Variants in KAZN observed in about 807,000 individuals in gnomAD.
The protein encoded by KAZN is kazrin.
In KAZN, 40 loss-of-function variants were observed where a neutral mutation model predicts 87.4. That is an observed-to-expected ratio of 0.46 (90% CI 0.36 to 0.60). KAZN has a LOEUF of 0.60. Ranked by LOEUF, KAZN falls within the 20% of genes least tolerant of loss-of-function variation. The pLI, the probability that KAZN is intolerant of heterozygous loss-of-function variation, is 0.00. For synonymous variants in KAZN, 466 were observed against 458.3 expected (o/e 1.02, Z -0.22); for missense variants, 898 against 1,073.9 (o/e 0.84, Z 2.29).
rs114204291 is a variant in KAZN, at chr1:14,765,542, G to C, written c.226+166319G>C. 2.6e-3 allele frequency among the ~76,000 whole-genome samples: 397 copies of C among 152,296 alleles called. 1 individual carries two copies. Among genetic ancestry groups the C allele is most frequent in the African/African-American group, 8.7e-3 (361 of 41,550 alleles). ...TGAGAAGCAGCTAAGGTGGAATTTG[G>C]TGTGCAGATGTATTGGGAGAAATGC... On this transcript the variant is annotated intron_variant, in intron 1 of 14. Coordinates refer to ENST00000376030, the MANE Select transcript of KAZN (RefSeq NM_201628.3).
At chr1:14,383,855 G>A (rs924067840) in intron 2 of KAZN, among the ~76,000 whole-genome samples, 4 of 152,038 alleles carry the variant, frequency 2.6e-5, no homozygotes, top group Admixed American at 2.6e-4. Context: ...TGTGAAGAAA[G>A]TCATTGGTAG....
intron 2 of KAZN, among the ~76,000 whole-genome samples, chr1:14,378,181 A>G (rs1661067791): frequency 6.6e-6 from 1 of 152,246 alleles, no homozygotes; most frequent in Non-Finnish European, 1.5e-5. Context: ...TAAGACGTTT[A>G]TGGAATTTCA....
intron 2 of KAZN, among the ~76,000 whole-genome samples, chr1:14,527,436 C>T (rs1215199849): frequency 6.6e-6 from 1 of 151,638 alleles, no homozygotes; most frequent in African/African-American, 2.4e-5. Flanking sequence ...GTAATCCCGA[C>T]TACTTGGGAG....
intron 1 of KAZN, among the ~76,000 whole-genome samples, chr1:14,848,292 G>A (rs11586321): frequency 0.025 from 3,837 of 152,232 alleles, 144 homozygotes; most frequent in African/African-American, 0.087. Context: ...GACCCAGGAA[G>A]GGGAAGCTGC....
chr1:14,718,424 G>A lies in KAZN; in HGVS notation c.226+119201G>A, dbSNP rs55695323. 7.0e-3 allele frequency among the ~76,000 whole-genome samples: 1,066 copies of A among 152,292 alleles called. 5 individuals are homozygous for A. The highest frequency in any genetic ancestry group is 0.012 in the Non-Finnish European group (827 of 68,022). ...CAACCTGGCATGTGGACGTCCTTGC[G>A]GGGACTTTTCCATTTTGGAGGGTTT... On this transcript the variant is annotated intron_variant, in intron 1 of 14. Transcript: ENST00000376030.
At chr1:14,755,629 T>C (rs6678566) in intron 1 of KAZN, among the ~76,000 whole-genome samples, 68,209 of 151,976 alleles carry the variant, frequency 0.45, 16,000 homozygotes, top group Middle Eastern at 0.53. Flanking sequence ...GCATAATCGC[T>C]GACTGTTTCC....
At chr1:14,785,514 C>T (rs1425639113) in intron 1 of KAZN, among the ~76,000 whole-genome samples, 12 of 152,250 alleles carry the variant, frequency 7.9e-5, no homozygotes, top group African/African-American at 1.7e-4. Flanking sequence ...ACACCTCCTC[C>T]GCGGGAGCTT....
intron 1 of KAZN, among the ~76,000 whole-genome samples, chr1:14,744,642 A>AGGAAGATCACTTGAGCCC (rs1644211630): frequency 6.6e-6 from 1 of 152,186 alleles, no homozygotes; most frequent in Non-Finnish European, 1.5e-5. Flanking sequence ...AGGCTGAGGC[A>AGGAAGATCACTTGAGCCC]GGAAGATCAC....
intron 1 of KAZN, among the ~76,000 whole-genome samples, chr1:14,716,454 A>G (rs1642799998): frequency 6.6e-6 from 1 of 151,894 alleles, no homozygotes; most frequent in Non-Finnish European, 1.5e-5. Context: ...CTTTTTTCAC[A>G]TCTGTCTGTT....
chr1:14,906,771 TG>T (rs765697481), intron 1 of KAZN, among the ~76,000 whole-genome samples: 1 of 146,312 alleles, frequency 6.8e-6, no homozygotes, highest in Non-Finnish European at 1.5e-5. Flanking sequence ...TGAGGGGAGG[TG>T]GGGGAAAAAA....
intron 1 of KAZN, among the ~76,000 whole-genome samples, chr1:14,840,159 AG>A (rs1385946149): frequency 2.6e-5 from 4 of 152,278 alleles, no homozygotes; most frequent in African/African-American, 9.6e-5. Context: ...AATAGAGTCC[AG>A]GAGAGGTCTT....
At chr1:13,917,419 G>A (rs1639894005) in intron 1 of KAZN, among the ~76,000 whole-genome samples, 1 of 152,202 alleles carries the variant, frequency 6.6e-6, no homozygotes, top group African/African-American at 2.4e-5. Flanking sequence ...GGCTGACTCT[G>A]GTGAGTGGCC....
At chr1:14,066,499 G>A (rs1643014819) in intron 1 of KAZN, among the ~76,000 whole-genome samples, 1 of 152,166 alleles carries the variant, frequency 6.6e-6, no homozygotes, top group African/African-American at 2.4e-5. Flanking sequence ...ACTCTATGAT[G>A]ACGGGACATG....
intron 1 of KAZN, among the ~76,000 whole-genome samples, chr1:14,738,166 G>A (rs1029454876): frequency 5.3e-5 from 8 of 152,132 alleles, no homozygotes; most frequent in Admixed American, 5.2e-4. Context: ...TGTGATAAAT[G>A]ACCATTCTTG....
chr1:15,079,554 GC>G (rs1396321144), intron 8 of KAZN, among the ~76,000 whole-genome samples: 3 of 151,890 alleles, frequency 2.0e-5, no homozygotes, highest in Non-Finnish European at 4.4e-5. Flanking sequence ...GCCATCCATC[GC>G]CCCCAGCTTT....
At chr1:14,547,611 C>A (rs1673237604) in intron 2 of KAZN, among the ~76,000 whole-genome samples, 1 of 152,138 alleles carries the variant, frequency 6.6e-6, no homozygotes, top group Non-Finnish European at 1.5e-5. Context: ...GTTACAGAGT[C>A]TCGCTCTGTC....
chr1:14,983,809 G>T (rs1429593466), intron 2 of KAZN, among the ~76,000 whole-genome samples: 2 of 152,068 alleles, frequency 1.3e-5, no homozygotes. Context: ...GGGCGTGGTG[G>T]CACGCTTCTG....
chr1:14,871,265 C>G (rs1246220704), intron 1 of KAZN, among the ~76,000 whole-genome samples: 1 of 152,142 alleles, frequency 6.6e-6, no homozygotes, highest in African/African-American at 2.4e-5. Context: ...CCAATCAGCT[C>G]TCTTCTAGAA....
intron 2 of KAZN, among the ~76,000 whole-genome samples, chr1:14,592,825 T>G (rs1676284327): frequency 6.6e-6 from 1 of 152,198 alleles, no homozygotes; most frequent in Admixed American, 6.5e-5. Context: ...CCTTTCCACC[T>G]TGTCCCACGT....
Sources: allele counts gnomAD v4.1 joint callset (sites outside exome capture counted in the v4.1 genomes callset), GRCh38; gene constraint gnomAD v4.1.1; transcripts MANE v1.5; gene names NCBI Gene and HGNC (gene_info 2026-07-23, HGNC 2026-07-21).